Variants in PLPPR5 observed in about 807,000 individuals in gnomAD.
PLPPR5 encodes phospholipid phosphatase related 5.
Under a neutral mutation model 33.9 loss-of-function variants are expected in PLPPR5, and 16 were observed. The ratio of observed to expected loss-of-function variants is 0.47; its 90% CI spans 0.32 to 0.72. PLPPR5 has a LOEUF of 0.72. Among genes scored for constraint, PLPPR5 ranks in the 30% least tolerant of loss-of-function variants. The pLI is 0.03. For synonymous variants in PLPPR5, 163 were observed against 150.3 expected (o/e 1.08, Z -0.62); for missense variants, 301 against 406.7 (o/e 0.74, Z 2.23).
intron 3 of PLPPR5, among the ~76,000 whole-genome samples, chr1:98,940,646 T>A (rs566836951): frequency 6.6e-6 from 1 of 151,960 alleles, no homozygotes; most frequent in East Asian, 1.9e-4. Flanking sequence ...AGTGGCAAAG[T>A]GCAGAATGGA....
intron 5 of PLPPR5, among the ~76,000 whole-genome samples, chr1:98,902,518 T>C (rs1382419132): frequency 6.6e-6 from 1 of 152,178 alleles, no homozygotes; most frequent in Admixed American, 6.5e-5. Flanking sequence ...GCTTGTTTCA[T>C]AAAACTGTGA....
intron 1 of PLPPR5, among the ~76,000 whole-genome samples, chr1:98,972,229 A>G (rs1331914745): frequency 6.6e-6 from 1 of 152,142 alleles, no homozygotes; most frequent in African/African-American, 2.4e-5. Flanking sequence ...CAGCTGGCAG[A>G]TATCTGAGAA....
intron 1 of PLPPR5, among the ~76,000 whole-genome samples, chr1:98,961,705 C>T (rs1344455529): frequency 6.6e-6 from 1 of 152,172 alleles, no homozygotes; most frequent in Non-Finnish European, 1.5e-5. Context: ...GTCCTTATGG[C>T]TAATTTAATA....
chr1:98,969,700 G>A (rs947822527), intron 1 of PLPPR5, among the ~76,000 whole-genome samples: 1 of 151,662 alleles, frequency 6.6e-6, no homozygotes, highest in Non-Finnish European at 1.5e-5. Context: ...ATGTCTGGTA[G>A]CAAACAGTAA....
intron 5 of PLPPR5, among the ~76,000 whole-genome samples, chr1:98,906,475 T>G (rs1488834693): frequency 6.6e-6 from 1 of 152,060 alleles, no homozygotes; most frequent in Non-Finnish European, 1.5e-5. Flanking sequence ...GCAGCAGTAC[T>G]TGTCTGGAAA....
intron 5 of PLPPR5, among the ~76,000 whole-genome samples, chr1:98,909,049 G>A (rs746143612): frequency 6.6e-6 from 1 of 151,842 alleles, no homozygotes; most frequent in Admixed American, 6.6e-5. Context: ...GTATTTCATT[G>A]TAGAAAGAAG....
intron 1 of PLPPR5, among the ~76,000 whole-genome samples, chr1:98,959,313 C>T (rs1269184612): frequency 1.3e-5 from 2 of 152,192 alleles, no homozygotes; most frequent in Non-Finnish European, 2.9e-5. Flanking sequence ...CTCTTGCTTG[C>T]CTGCATCTCA....
intron 1 of PLPPR5, among the ~76,000 whole-genome samples, chr1:98,991,780 G>C (rs309051): frequency 0.07 from 10,669 of 152,222 alleles, 426 homozygotes; most frequent in Non-Finnish European, 0.077. Context: ...ACAGCTGCCT[G>C]GGGAAGCAAT....
At chr1:98,999,921 G>A (rs931911796) in intron 1 of PLPPR5, among the ~76,000 whole-genome samples, 7 of 152,136 alleles carry the variant, frequency 4.6e-5, no homozygotes, top group Non-Finnish European at 8.8e-5. Context: ...GCCTTGGTTG[G>A]TGCTGGTTTT....
At chr1:98,914,324 T>C (rs1649259815) in intron 5 of PLPPR5, among the ~76,000 whole-genome samples, 1 of 152,154 alleles carries the variant, frequency 6.6e-6, no homozygotes, top group South Asian at 2.1e-4. Flanking sequence ...CTCACTCTGT[T>C]GCGTAAGCTG....
At chr1:98,930,391 A>AT (rs1649921063) in intron 3 of PLPPR5, among the ~76,000 whole-genome samples, 1 of 152,186 alleles carries the variant, frequency 6.6e-6, no homozygotes, top group South Asian at 2.1e-4. Flanking sequence ...GTGATAATCT[A>AT]TATGTCTGAT....
At chr1:98,942,906 G>A (rs145116863) in intron 3 of PLPPR5, among the ~76,000 whole-genome samples, 2 of 152,252 alleles carry the variant, frequency 1.3e-5, no homozygotes, top group Non-Finnish European at 2.9e-5. Flanking sequence ...GCTGATGGTA[G>A]GGGAAGCTGT....
In PLPPR5 at chr1:98,914,830, T is replaced by C. The variant is rs766549502; in HGVS notation, c.889A>G (p.Ile297Val). ...TCCAAAGGACTTTCTACTCGAGGAA[T>C]GCTGATCATTGGCATCTGTGCCAGA... ...DNLAQMPMIS[I>V]PRVESPLEKV... Residue 297 changes from isoleucine (I) to valine (V), a missense_variant, in exon 5 of 6, where the codon ATT becomes GTT. Transcript: ENST00000263177. 2.5e-6 allele frequency: 4 copies of C among 1,613,400 alleles called. No homozygotes were observed. The South Asian group carries it at 3.3e-5, about 13-fold the overall frequency.
chr1:98,916,429 A>G (rs926781608), intron 4 of PLPPR5, among the ~76,000 whole-genome samples: 51 of 152,214 alleles, frequency 3.4e-4, no homozygotes, highest in Non-Finnish European at 8.8e-5. Context: ...TCATGACCCC[A>G]CAAAGGTCTG....
Position 98,921,890 on chromosome 1 carries a change from C to G in PLPPR5, c.790G>C (p.Val264Leu). The change falls in exon 4 of 6, where the codon GTA becomes CTA. Residue 264 changes from valine (V) to leucine (L), a missense_variant. Transcript: ENST00000263177. The stretch of plus-strand genomic sequence containing the variant: ...AATAAATTTGTACTTACCAGAAATA[C>G]TGCTATAGATATTCCAACCAGAAAG... The part of the protein sequence containing the change: ...AGFLVGISIA[V>L]FLVVCVVNNF... 1.2e-6 allele frequency: 2 copies of G among 1,606,568 alleles called. No homozygotes were observed. The highest frequency in any genetic ancestry group is 1.7e-6 in the Non-Finnish European group (2 of 1,177,334).
chr1:98,999,472 C>A (rs1292141186), intron 1 of PLPPR5, among the ~76,000 whole-genome samples: 2 of 152,186 alleles, frequency 1.3e-5, no homozygotes, highest in East Asian at 1.9e-4. Flanking sequence ...TACTGAGTCT[C>A]CAAGAGGTGG....
At chr1:98,937,125 G>T (rs537387909) in intron 3 of PLPPR5, among the ~76,000 whole-genome samples, 1 of 152,306 alleles carries the variant, frequency 6.6e-6, no homozygotes, top group African/African-American at 2.4e-5. Flanking sequence ...GCAAACTAAG[G>T]GTGGGCATAG....
rs1648264252 is a variant in PLPPR5 at position 98,891,278 on chromosome 1, T to G, written c.*1794A>C. 6.6e-6 allele frequency: 1 copy of G among 152,074 alleles called. No individual in the cohort carries two copies. The highest frequency in any genetic ancestry group is 1.5e-5 in the Non-Finnish European group (1 of 68,022). 9.4% of individuals were successfully genotyped at this position (152,074 alleles called of 1,614,324 possible). On this transcript the variant is annotated 3_prime_UTR_variant, in exon 6 of 6. Coordinates refer to ENST00000263177, the MANE Select transcript of PLPPR5 (RefSeq NM_001037317.2). ...GTTTTAGCTTCCACAGTGATAGAAA[T>G]GGGCAAATAACATCTATTTGGGGAG...
intron 3 of PLPPR5, among the ~76,000 whole-genome samples, chr1:98,947,020 T>TA (rs1168612313): frequency 6.6e-6 from 1 of 152,156 alleles, no homozygotes; most frequent in African/African-American, 2.4e-5. Flanking sequence ...AGCCCTATCT[T>TA]ATAATGTCCT....
Sources: allele counts gnomAD v4.1 joint callset (sites outside exome capture counted in the v4.1 genomes callset), GRCh38; gene constraint gnomAD v4.1.1; transcripts MANE v1.5; gene names NCBI Gene and HGNC (gene_info 2026-07-23, HGNC 2026-07-21).